SEMA6D: variants seen among roughly 807,000 people sequenced by gnomAD.
SEMA6D encodes the protein semaphorin-6D.
SEMA6D carries 35 observed loss-of-function variants against 106.6 expected under a neutral mutation model. That is an observed-to-expected ratio of 0.33 (90% CI 0.25 to 0.44). SEMA6D has a LOEUF of 0.44. Ranked by LOEUF, SEMA6D falls within the 20% of genes least tolerant of loss-of-function variation. SEMA6D has a pLI of 1.00. For missense variants in SEMA6D, 1,185 were observed against 1,345.9 expected, an observed-to-expected ratio of 0.88 and a Z score of 1.87; for synonymous variants, 499 against 487.7, an observed-to-expected ratio of 1.02 and a Z score of -0.31.
intron 1 of SEMA6D, among the ~76,000 whole-genome samples, chr15:47,362,707 A>G (rs1595827567): frequency 6.6e-6 from 1 of 152,330 alleles, no homozygotes; most frequent in East Asian, 1.9e-4. Flanking sequence ...GTGGCCAGCC[A>G]TAATGAAGCC....
At chr15:47,575,920 C>T (rs1479905617) in intron 3 of SEMA6D, among the ~76,000 whole-genome samples, 1 of 152,178 alleles carries the variant, frequency 6.6e-6, no homozygotes, top group Non-Finnish European at 1.5e-5. Flanking sequence ...TTTAAAAATA[C>T]AGACCATCCT....
chr15:47,274,852 C>A (rs976210710), intron 1 of SEMA6D: 1 of 152,148 alleles, frequency 6.6e-6, no homozygotes, highest in African/African-American at 2.4e-5. Context: ...ACTCTTTCAG[C>A]AGGTGAATTT....
chr15:47,439,844 A>G (rs2041829464), intron 2 of SEMA6D, among the ~76,000 whole-genome samples: 1 of 152,134 alleles, frequency 6.6e-6, no homozygotes, highest in African/African-American at 2.4e-5. Flanking sequence ...AAATTTTTCC[A>G]GAAGATCACA....
chr15:47,325,815 T>G (rs1595736988), intron 1 of SEMA6D, among the ~76,000 whole-genome samples: 1 of 152,330 alleles, frequency 6.6e-6, no homozygotes, highest in Admixed American at 6.5e-5. Context: ...TTTGCCTTTC[T>G]GATTGTTATT....
chr15:47,734,205 T>C (rs1036574821), intron 1 of SEMA6D, among the ~76,000 whole-genome samples: 1 of 152,226 alleles, frequency 6.6e-6, no homozygotes, highest in Middle Eastern at 3.2e-3. Context: ...CCTCTAGGTA[T>C]AGAAGCATCT....
At chr15:47,504,844 G>T (rs79399997) in intron 3 of SEMA6D, among the ~76,000 whole-genome samples, 1 of 152,050 alleles carries the variant, frequency 6.6e-6, no homozygotes, top group African/African-American at 2.4e-5. Flanking sequence ...TCACTTCCCC[G>T]GGGAGTGTCT....
At chr15:47,460,044 A>C (rs2042457189) in intron 2 of SEMA6D, among the ~76,000 whole-genome samples, 2 of 152,090 alleles carry the variant, frequency 1.3e-5, no homozygotes, top group South Asian at 4.1e-4. Context: ...AAACTTAAAA[A>C]AAAATGCCTA....
chr15:47,238,415 A>T (rs1163480702), intron 1 of SEMA6D, among the ~76,000 whole-genome samples: 2 of 152,120 alleles, frequency 1.3e-5, no homozygotes, highest in East Asian at 3.9e-4. Context: ...CCCCCAGAGT[A>T]TACCTGAACC....
intron 2 of SEMA6D, among the ~76,000 whole-genome samples, chr15:47,432,787 AGAACCACTGTGTG>A (rs1466916817): frequency 1.3e-5 from 2 of 152,154 alleles, no homozygotes; most frequent in African/African-American, 4.8e-5. Context: ...ATCACTTAGG[AGAACCACTGTGTG>A]GAAAAACTAA....
chr15:47,602,354 C>T (rs2076680271), intron 4 of SEMA6D, among the ~76,000 whole-genome samples: 1 of 152,132 alleles, frequency 6.6e-6, no homozygotes, highest in African/African-American at 2.4e-5. Context: ...TCCAATTAAA[C>T]AGGATAACTA....
chr15:47,688,787 C>T (rs556030194), intron 4 of SEMA6D, among the ~76,000 whole-genome samples: 5 of 152,228 alleles, frequency 3.3e-5, no homozygotes, highest in East Asian at 3.9e-4. Flanking sequence ...GAGGGATTGA[C>T]GAAATCTTTG....
intron 3 of SEMA6D, among the ~76,000 whole-genome samples, chr15:47,549,944 G>T (rs2045632136): frequency 6.6e-6 from 1 of 152,176 alleles, no homozygotes; most frequent in African/African-American, 2.4e-5. Flanking sequence ...TTGGAAGTTG[G>T]ATACCCCACC....
chr15:47,488,098 T>C (rs541176399), intron 3 of SEMA6D, among the ~76,000 whole-genome samples: 1 of 152,294 alleles, frequency 6.6e-6, no homozygotes, highest in African/African-American at 2.4e-5. Context: ...TTCATCTGTT[T>C]GTACATTCCT....
At position 47,638,810 on chromosome 15, in the gene SEMA6D, C is replaced by T. The variant is rs143157373; in HGVS notation, c.-55+37914C>T. On this transcript the variant is annotated intron_variant, in intron 4 of 19. Transcript: ENST00000558014. The stretch of plus-strand genomic sequence containing the variant: ...ACCCCAAATGTCTTTTAAAAACCGG[C>T]TGCCTCAACTCAAATGTTCTGCCAG... Among the ~76,000 whole-genome samples, 20 of 152,338 alleles carry T rather than the reference C, an allele frequency of 1.3e-4. No individual in the cohort carries two copies. The East Asian group carries it at 3.7e-3, about 28-fold the overall frequency.
At chr15:47,370,999 G>A (rs183987922) in intron 1 of SEMA6D, among the ~76,000 whole-genome samples, 5 of 152,304 alleles carry the variant, frequency 3.3e-5, no homozygotes, top group East Asian at 1.9e-4. Context: ...AAGGTAAGAC[G>A]TCCCGCCAGT....
intron 1 of SEMA6D, among the ~76,000 whole-genome samples, chr15:47,211,113 T>C (rs1028122097): frequency 6.6e-6 from 1 of 152,218 alleles, no homozygotes; most frequent in Admixed American, 6.5e-5. Context: ...GTGTGATGCC[T>C]AATGATGCCA....
intron 1 of SEMA6D, among the ~76,000 whole-genome samples, chr15:47,327,965 T>G (rs2037197328): frequency 6.6e-6 from 1 of 152,230 alleles, no homozygotes. Context: ...ATTATCTCCA[T>G]TTTATAAATA....
At chr15:47,377,666 G>A (rs2039495587) in intron 1 of SEMA6D, among the ~76,000 whole-genome samples, 1 of 152,222 alleles carries the variant, frequency 6.6e-6, no homozygotes. Context: ...GAGGCAAGGA[G>A]TGGCTGAGTC....
intron 2 of SEMA6D, among the ~76,000 whole-genome samples, chr15:47,450,854 A>G (rs895973309): frequency 3.3e-5 from 5 of 151,984 alleles, no homozygotes; most frequent in Admixed American, 3.3e-4. Flanking sequence ...ACCAAGGGGA[A>G]CCCTACAATA....
Sources: allele counts gnomAD v4.1 joint callset (sites outside exome capture counted in the v4.1 genomes callset), GRCh38; gene constraint gnomAD v4.1.1; transcripts MANE v1.5; gene names NCBI Gene and HGNC (gene_info 2026-07-23, HGNC 2026-07-21).